B3GALT1: variants seen among roughly 807,000 people sequenced by gnomAD.
B3GALT1 encodes UDP-Gal:betaGlcNAc beta 1,3-galactosyltransferase, polypeptide 1.
Under a neutral mutation model 23.2 loss-of-function variants are expected in B3GALT1, and 10 were observed. The observed-to-expected ratio is 0.43, with a 90% confidence interval of 0.27 to 0.73. The LOEUF is 0.73. B3GALT1 is among the 30% of genes least tolerant of loss of function. The probability of loss-of-function intolerance (pLI) is 0.21; values close to 1 mark genes in which losing one functional copy is unlikely to be tolerated. For synonymous variants in B3GALT1, 156 were observed against 141.5 expected, an observed-to-expected ratio of 1.10 and a Z score of -0.73; for missense variants, 299 against 405.4, an observed-to-expected ratio of 0.74 and a Z score of 2.25.
At chr2:167,429,387 A>T (rs1698674694) in intron 1 of B3GALT1, among the ~76,000 whole-genome samples, 1 of 152,158 alleles carries the variant, frequency 6.6e-6, no homozygotes, top group African/African-American at 2.4e-5. Flanking sequence ...TAGCATGCTA[A>T]AATTTATTAA....
At chr2:167,352,686 A>C (rs947272665) in intron 1 of B3GALT1, among the ~76,000 whole-genome samples, 2 of 151,544 alleles carry the variant, frequency 1.3e-5, no homozygotes, top group Non-Finnish European at 2.9e-5. Flanking sequence ...ACGCCACTGC[A>C]CTCCAGCCTG....
At chr2:167,473,880 C>G (rs10166160) in intron 1 of B3GALT1, among the ~76,000 whole-genome samples, 1 of 152,106 alleles carries the variant, frequency 6.6e-6, no homozygotes, top group Non-Finnish European at 1.5e-5. Flanking sequence ...CGTAGAGTAG[C>G]GTAGAGACAC....
In B3GALT1 at chr2:167,680,368, G is replaced by C. The variant is rs78994003; in HGVS notation, c.-352+33402G>C. Among the ~76,000 whole-genome samples the C allele has an allele frequency of 2.3e-3, 350 of 152,146 alleles. 1 individual carries two copies. The highest frequency in any genetic ancestry group is 8.3e-3 in the African/African-American group (343 of 41,512). ...TCAATCTGTCAAAATGTTTTGTGTT[G>C]AAATCCAGAAATAAAGATTTCAAAT... On this transcript the variant is annotated intron_variant, in intron 3 of 4. Coordinates refer to ENST00000392690, the MANE Select transcript of B3GALT1 (RefSeq NM_020981.4).
At chr2:167,732,760 T>A (rs1299672033) in intron 3 of B3GALT1, among the ~76,000 whole-genome samples, 1 of 152,246 alleles carries the variant, frequency 6.6e-6, no homozygotes, top group Non-Finnish European at 1.5e-5. Flanking sequence ...AGTGGCATTC[T>A]GGTAACATAA....
At chr2:167,495,995 A>C (rs185835644) in intron 2 of B3GALT1, among the ~76,000 whole-genome samples, 1 of 152,332 alleles carries the variant, frequency 6.6e-6, no homozygotes, top group Non-Finnish European at 1.5e-5. Context: ...CAGAACATGA[A>C]AGTAGAAGAA....
chr2:167,409,519 T>C (rs1020956723), intron 1 of B3GALT1, among the ~76,000 whole-genome samples: 4 of 151,936 alleles, frequency 2.6e-5, no homozygotes, highest in Non-Finnish European at 4.4e-5. Context: ...AATTCTGATA[T>C]CCTTTCTTCT....
chr2:167,382,539 C>T (rs1288120227), intron 1 of B3GALT1, among the ~76,000 whole-genome samples: 1 of 152,086 alleles, frequency 6.6e-6, no homozygotes, highest in African/African-American at 2.4e-5. Context: ...TTATGAGGAT[C>T]TTTCAAGAGC....
chr2:167,560,995 G>A (rs1029989321), intron 2 of B3GALT1, among the ~76,000 whole-genome samples: 11 of 151,838 alleles, frequency 7.2e-5, no homozygotes, highest in Non-Finnish European at 1.3e-4. Context: ...CAAATCAACA[G>A]AATATACATT....
chr2:167,602,386 C>T (rs951019489), intron 2 of B3GALT1, among the ~76,000 whole-genome samples: 2 of 152,070 alleles, frequency 1.3e-5, no homozygotes, highest in Non-Finnish European at 2.9e-5. Flanking sequence ...TAGTTGTGGG[C>T]AATTTGTAGA....
At chr2:167,559,145 G>A (rs561048976) in intron 2 of B3GALT1, among the ~76,000 whole-genome samples, 37 of 152,248 alleles carry the variant, frequency 2.4e-4, no homozygotes, top group Admixed American at 5.2e-4. Flanking sequence ...CAGGATTTGC[G>A]GTTCATGAAA....
At chr2:167,668,717 G>A (rs142708412) in intron 3 of B3GALT1, among the ~76,000 whole-genome samples, 1 of 152,162 alleles carries the variant, frequency 6.6e-6, no homozygotes, top group African/African-American at 2.4e-5. Context: ...TTTTCCAGGT[G>A]CCGTCTGTCA....
At chr2:167,482,348 T>C (rs1699572574) in intron 1 of B3GALT1, among the ~76,000 whole-genome samples, 1 of 152,216 alleles carries the variant, frequency 6.6e-6, no homozygotes, top group South Asian at 2.1e-4. Flanking sequence ...TTTATTCTTA[T>C]AGTACATGAT....
chr2:167,384,633 A>G (rs933698795), intron 1 of B3GALT1, among the ~76,000 whole-genome samples: 8 of 152,080 alleles, frequency 5.3e-5, no homozygotes, highest in East Asian at 1.9e-4. Context: ...CAGAATGTCT[A>G]TCGTCTTGTC....
intron 4 of B3GALT1, among the ~76,000 whole-genome samples, chr2:167,819,825 A>G (rs1407670869): frequency 6.6e-6 from 1 of 152,222 alleles, no homozygotes; most frequent in Non-Finnish European, 1.5e-5. Flanking sequence ...TACAAAATTC[A>G]TAGTAATTTG....
intron 1 of B3GALT1, among the ~76,000 whole-genome samples, chr2:167,438,373 G>C (rs774730350): frequency 6.6e-6 from 1 of 152,194 alleles, no homozygotes; most frequent in African/African-American, 2.4e-5. Context: ...AAATGGAAGT[G>C]ACTCATGTCA....
chr2:167,646,101 A>T (rs973945205), intron 2 of B3GALT1, among the ~76,000 whole-genome samples: 1 of 152,024 alleles, frequency 6.6e-6, no homozygotes, highest in African/African-American at 2.4e-5. Context: ...ATCTCTTTTG[A>T]CCCCTCTTTT....
intron 1 of B3GALT1, among the ~76,000 whole-genome samples, chr2:167,402,630 A>G (rs1483937225): frequency 6.6e-6 from 1 of 151,668 alleles, no homozygotes; most frequent in Non-Finnish European, 1.5e-5. Context: ...CATTTTATAC[A>G]TAAATAAATA....
chr2:167,703,944 G>A (rs926875343), intron 3 of B3GALT1, among the ~76,000 whole-genome samples: 11 of 152,166 alleles, frequency 7.2e-5, no homozygotes, highest in Non-Finnish European at 8.8e-5. Flanking sequence ...CACTTTGGGA[G>A]GCCAAGGCGG....
At chr2:167,631,769 C>CTTTTTTTTTTTTTTTTTTTT (rs558837779) in intron 2 of B3GALT1, among the ~76,000 whole-genome samples, 1 of 120,592 alleles carries the variant, frequency 8.3e-6, no homozygotes, top group Non-Finnish European at 1.7e-5. Context: ...CTTTTCTTTT[C>CTTTTTTTTTTTTTTTTTTTT]TTTTTTTTTT....
Sources: gnomAD v4.1 joint callset for allele counts (sites outside exome capture counted in the v4.1 genomes callset) on GRCh38, gnomAD v4.1.1 for gene constraint, MANE v1.5 for transcripts, NCBI Gene and HGNC (gene_info 2026-07-23, HGNC 2026-07-21) for gene names.